The following LINGO2 variants were observed in gnomAD, a reference collection of about 807,000 sequenced individuals.
LINGO2 encodes leucine-rich repeat and immunoglobulin-like domain-containing nogo receptor-interacting protein 2.
Under a neutral mutation model 30.6 loss-of-function variants are expected in LINGO2, and 14 were observed. That is an observed-to-expected ratio of 0.46 (90% CI 0.30 to 0.72). LINGO2 has a LOEUF of 0.72. LINGO2 is among the 30% of genes least tolerant of loss of function. The pLI, the probability that LINGO2 is intolerant of heterozygous loss-of-function variation, is 0.07. For missense variants in LINGO2, 729 were observed against 751.7 expected (o/e 0.97, Z 0.35); for synonymous variants, 317 against 288.5 (o/e 1.10, Z -1.00).
the LINGO2 span, among the ~76,000 whole-genome samples, chr9:28,837,851 G>A: frequency 1.8e-3 from 267 of 150,804 alleles, 1 homozygote; most frequent in African/African-American, 6.4e-3. Context: ...TTGAGGTCAT[G>A]AGCTTTTATA....
At chr9:27,983,887 T>C (rs1408560485) in intron 5 of LINGO2, among the ~76,000 whole-genome samples, 2 of 151,898 alleles carry the variant, frequency 1.3e-5, no homozygotes, top group African/African-American at 4.8e-5. Context: ...ACCAGAAATT[T>C]CTGGCAAGGT....
the LINGO2 span, among the ~76,000 whole-genome samples, chr9:28,986,976 T>C: frequency 6.6e-6 from 1 of 151,968 alleles, no homozygotes; most frequent in Non-Finnish European, 1.5e-5. Context: ...TTGATTTCTT[T>C]TTTAGATAGT....
chr9:28,287,027 C>A (rs2134151270), intron 4 of LINGO2, among the ~76,000 whole-genome samples: 1 of 152,190 alleles, frequency 6.6e-6, no homozygotes, highest in East Asian at 1.9e-4. Context: ...AGTCAGTTAC[C>A]AGACCTGAGT....
At chr9:28,085,479 C>T (rs1180860362) in intron 4 of LINGO2, among the ~76,000 whole-genome samples, 1 of 152,044 alleles carries the variant, frequency 6.6e-6, no homozygotes, top group Non-Finnish European at 1.5e-5. Context: ...CGTGAGAAAG[C>T]AAGCAGAGTA....
the LINGO2 span, among the ~76,000 whole-genome samples, chr9:28,885,358 T>C: frequency 0.68 from 96,833 of 141,716 alleles, 33,811 homozygotes; most frequent in Non-Finnish European, 0.78. Flanking sequence ...GATATATATA[T>C]ATACACACAC....
At chr9:29,084,995 T>C in the LINGO2 span, among the ~76,000 whole-genome samples, 54 of 141,644 alleles carry the variant, frequency 3.8e-4, no homozygotes, top group African/African-American at 1.3e-3. Flanking sequence ...TTACTTGTTT[T>C]GGTTTTTATT....
the LINGO2 span, among the ~76,000 whole-genome samples, chr9:29,089,630 G>T: frequency 6.6e-6 from 1 of 151,908 alleles, no homozygotes; most frequent in African/African-American, 2.4e-5. Flanking sequence ...TGATCATTTT[G>T]ATCTTACTGC....
intron 1 of LINGO2, among the ~76,000 whole-genome samples, chr9:28,639,247 G>C (rs1302422319): frequency 6.6e-6 from 1 of 152,102 alleles, no homozygotes; most frequent in Non-Finnish European, 1.5e-5. Context: ...CAACTATGTG[G>C]TCAATTTTGG....
At chr9:28,806,888 G>A in the LINGO2 span, among the ~76,000 whole-genome samples, 3 of 151,600 alleles carry the variant, frequency 2.0e-5, no homozygotes, top group African/African-American at 4.8e-5. Context: ...TTTTATAGAG[G>A]GCCATTCTAA....
chr9:27,960,385 A>T (rs886410938), intron 5 of LINGO2, among the ~76,000 whole-genome samples: 3 of 152,176 alleles, frequency 2.0e-5, no homozygotes, highest in African/African-American at 7.2e-5. Context: ...ATTCGATAAA[A>T]CATGACCTGA....
intron 1 of LINGO2, among the ~76,000 whole-genome samples, chr9:28,651,186 A>G (rs1040126110): frequency 3.9e-5 from 6 of 151,992 alleles, no homozygotes; most frequent in Non-Finnish European, 7.4e-5. Context: ...CAGTCTCAAA[A>G]AAAAAAAAAG....
chr9:28,895,967 A>C, the LINGO2 span, among the ~76,000 whole-genome samples: 1 of 152,152 alleles, frequency 6.6e-6, no homozygotes, highest in East Asian at 1.9e-4. Context: ...AAAGATTTGG[A>C]AACTATCAAC....
chr9:28,716,860 C>T, the LINGO2 span, among the ~76,000 whole-genome samples: 13 of 151,988 alleles, frequency 8.6e-5, no homozygotes, highest in Admixed American at 7.9e-4. Context: ...AGCCAGCTAT[C>T]ATAAATTAAC....
At chr9:28,475,787 T>C (rs1323248917) in intron 2 of LINGO2, 153 bp downstream of exon 4, 1 of 152,388 alleles carries the variant, frequency 6.6e-6, no homozygotes. Flanking sequence ...TCCCATAGAA[T>C]ACTACCTCCC....
intron 4 of LINGO2, among the ~76,000 whole-genome samples, chr9:28,023,354 T>C (rs910186111): frequency 2.6e-5 from 4 of 152,190 alleles, no homozygotes; most frequent in Non-Finnish European, 4.4e-5. Context: ...TTGGGTACCC[T>C]AATAGAGGAA....
intron 1 of LINGO2, among the ~76,000 whole-genome samples, chr9:28,512,355 A>G (rs1820422838): frequency 6.6e-6 from 1 of 151,712 alleles, no homozygotes; most frequent in African/African-American, 2.4e-5. Flanking sequence ...AAAATCCTAG[A>G]GGCCTCCGCT....
chr9:29,153,317 T>C, the LINGO2 span, among the ~76,000 whole-genome samples: 2 of 152,130 alleles, frequency 1.3e-5, no homozygotes, highest in Non-Finnish European at 2.9e-5. Context: ...GTAGGCAGAA[T>C]TCATTTTTTG....
At chr9:28,897,379 A>G in the LINGO2 span, among the ~76,000 whole-genome samples, 8 of 152,174 alleles carry the variant, frequency 5.3e-5, no homozygotes, top group Non-Finnish European at 1.0e-4. Flanking sequence ...GCACATAGAA[A>G]TCTACACTTT....
At chr9:28,042,528 C>G (rs16912385) in intron 4 of LINGO2, among the ~76,000 whole-genome samples, 4,333 of 152,190 alleles carry the variant, frequency 0.028, 205 homozygotes, top group African/African-American at 0.099. Flanking sequence ...AGTGTTATAA[C>G]CAAAGTCCAC....
Sources: allele counts gnomAD v4.1 joint callset (sites outside exome capture counted in the v4.1 genomes callset), GRCh38; gene constraint gnomAD v4.1.1; transcripts MANE v1.5; gene names NCBI Gene and HGNC (gene_info 2026-07-23, HGNC 2026-07-21).